CTNNA2: variants seen among roughly 807,000 people sequenced by gnomAD.
CTNNA2 encodes the protein catenin alpha-2.
CTNNA2 carries 42 observed loss-of-function variants against 101.0 expected under a neutral mutation model. The ratio of observed to expected loss-of-function variants is 0.42; its 90% CI spans 0.32 to 0.54. The LOEUF is 0.54. Ranked by LOEUF, CTNNA2 falls within the 20% of genes least tolerant of loss-of-function variation. The pLI is 0.14. For synonymous variants in CTNNA2, 450 were observed against 456.4 expected (o/e 0.99, Z 0.18); for missense variants, 871 against 1,223.1 (o/e 0.71, Z 4.29).
chr2:79,988,871 C>G (rs913562763), intron 7 of CTNNA2, among the ~76,000 whole-genome samples: 6 of 152,092 alleles, frequency 3.9e-5, no homozygotes, highest in African/African-American at 1.4e-4. Context: ...AAATAAAACC[C>G]TAAGTATACA....
At chr2:79,757,629 T>C (rs1442549911) in intron 3 of CTNNA2, among the ~76,000 whole-genome samples, 1 of 152,220 alleles carries the variant, frequency 6.6e-6, no homozygotes, top group Non-Finnish European at 1.5e-5. Context: ...AAGTGACTAA[T>C]GCACATATAC....
At chr2:80,096,426 A>G (rs921068059) in intron 7 of CTNNA2, among the ~76,000 whole-genome samples, 3 of 152,122 alleles carry the variant, frequency 2.0e-5, no homozygotes, top group Non-Finnish European at 4.4e-5. Flanking sequence ...ACTTCCAACT[A>G]TGTGGTCAAT....
intron 7 of CTNNA2, among the ~76,000 whole-genome samples, chr2:79,988,317 C>T (rs1691912668): frequency 6.6e-6 from 1 of 152,178 alleles, no homozygotes; most frequent in Admixed American, 6.5e-5. Flanking sequence ...TCGTGGAGGC[C>T]AGGTGCCTCT....
intron 1 of CTNNA2, among the ~76,000 whole-genome samples, chr2:79,559,487 A>G (rs1674640720): frequency 6.6e-6 from 1 of 151,978 alleles, no homozygotes; most frequent in Non-Finnish European, 1.5e-5. Context: ...CAGGGAATGC[A>G]CTTAAGAAAT....
chr2:79,316,042 A>G (rs13397028), intron 3 of CTNNA2, among the ~76,000 whole-genome samples: 16,524 of 152,052 alleles, frequency 0.11, 1,098 homozygotes, highest in Middle Eastern at 0.21. Flanking sequence ...TGTTTTATCC[A>G]AGAAGATTAC....
At chr2:79,431,614 C>T (rs1678659948) in intron 4 of CTNNA2, among the ~76,000 whole-genome samples, 1 of 152,140 alleles carries the variant, frequency 6.6e-6, no homozygotes. Context: ...AAAATATAAT[C>T]CTCCTGCAAG....
At chr2:80,270,148 C>G (rs1050399380) in intron 7 of CTNNA2, among the ~76,000 whole-genome samples, 17 of 152,192 alleles carry the variant, frequency 1.1e-4, no homozygotes, top group Admixed American at 1.3e-4. Flanking sequence ...TAGCCACAGG[C>G]TCCCCCATTC....
intron 14 of CTNNA2, chr2:80,586,660 GTA>G (rs1695998910): frequency 1.3e-5 from 2 of 152,134 alleles, no homozygotes; most frequent in South Asian, 4.1e-4. Context: ...ATAAACTCTT[GTA>G]TATCAAGCAC....
intron 18 of CTNNA2, among the ~76,000 whole-genome samples, chr2:80,639,719 T>A (rs1673260185): frequency 6.6e-6 from 1 of 152,196 alleles, no homozygotes; most frequent in Non-Finnish European, 1.5e-5. Context: ...AATTAGCAAC[T>A]CATAATATGG....
intron 7 of CTNNA2, among the ~76,000 whole-genome samples, chr2:80,368,655 T>C (rs1365278369): frequency 6.6e-6 from 1 of 152,034 alleles, no homozygotes; most frequent in East Asian, 1.9e-4. Context: ...ACAGATGTTC[T>C]GGGAGATGTC....
intron 7 of CTNNA2, among the ~76,000 whole-genome samples, chr2:80,097,924 T>C (rs936402765): frequency 6.6e-6 from 1 of 151,988 alleles, no homozygotes; most frequent in Non-Finnish European, 1.5e-5. Flanking sequence ...TTTTTCAAGG[T>C]TTTTAACTTC....
chr2:80,313,663 G>A, intron 7 of CTNNA2: 2 of 1,594,474 alleles, frequency 1.3e-6, no homozygotes, highest in Non-Finnish European at 1.7e-6. Flanking sequence ...AGGTATGCAG[G>A]AGAAGGGGGT....
At chr2:80,229,341 C>G (rs1199030160) in intron 7 of CTNNA2, among the ~76,000 whole-genome samples, 1 of 152,184 alleles carries the variant, frequency 6.6e-6, no homozygotes. Flanking sequence ...ATGCCAGTTC[C>G]AAGTCCAGTG....
At chr2:80,451,470 A>T (rs1683499862) in intron 9 of CTNNA2, among the ~76,000 whole-genome samples, 1 of 152,116 alleles carries the variant, frequency 6.6e-6, no homozygotes. Flanking sequence ...TTTATAAATT[A>T]CCTAATCTCA....
At chr2:79,185,842 T>C (rs1038130106) in intron 1 of CTNNA2, among the ~76,000 whole-genome samples, 2 of 151,966 alleles carry the variant, frequency 1.3e-5, no homozygotes, top group Non-Finnish European at 2.9e-5. Context: ...GAATGGAGGG[T>C]GAAATTGCCA....
chr2:80,305,358 C>T lies in CTNNA2; in HGVS notation c.1057-87853C>T, dbSNP rs1367590002. On this transcript the variant is annotated intron_variant, in intron 7 of 18. Coordinates refer to ENST00000402739, the MANE Select transcript of CTNNA2 (RefSeq NM_001282597.3). ...TGTGCAGGGAGACTTGACTGAGATCCCTCCGGGGCTTCATCAGGCTCCACA... is the reference window on the plus strand; with the variant it reads ...TGTGCAGGGAGACTTGACTGAGATCTCTCCGGGGCTTCATCAGGCTCCACA... 3.0e-6 allele frequency: 3 copies of T among 985,122 alleles called. No homozygotes were observed. The African/African-American group carries it at 5.2e-5, about 17-fold the overall frequency. The allele number at this position is 985,122 out of a possible 1,614,324, so 61.0% of individuals were successfully genotyped here. A position where few individuals can be genotyped will look rare whatever the true frequency, so the allele number is the denominator to read the frequency against.
chr2:79,948,697 G>C (rs376528727), intron 7 of CTNNA2, among the ~76,000 whole-genome samples: 1 of 152,146 alleles, frequency 6.6e-6, no homozygotes, highest in African/African-American at 2.4e-5. Context: ...TGCTGGGTGC[G>C]GTGGCTCACG....
At chr2:80,163,268 T>G in intron 7 of CTNNA2, 2 of 652,560 alleles carry the variant, frequency 3.1e-6, no homozygotes, top group Non-Finnish European at 5.3e-6. Context: ...TAAGCCAGCC[T>G]TGTATCCTTG....
intron 7 of CTNNA2, among the ~76,000 whole-genome samples, chr2:80,347,015 TGG>T (rs1672797622): frequency 6.6e-6 from 1 of 152,218 alleles, no homozygotes; most frequent in African/African-American, 2.4e-5. Flanking sequence ...ACTTACATGC[TGG>T]GATCCTGTCT....
Sources: gnomAD v4.1 joint callset for allele counts (sites outside exome capture counted in the v4.1 genomes callset) on GRCh38, gnomAD v4.1.1 for gene constraint, MANE v1.5 for transcripts, NCBI Gene and HGNC (gene_info 2026-07-23, HGNC 2026-07-21) for gene names.